The following TMEM132C variants were observed in gnomAD, a reference collection of about 807,000 sequenced individuals.
The protein encoded by TMEM132C is protein phosphatase 1, regulatory subunit 152.
A neutral mutation model predicts 61.4 loss-of-function variants in TMEM132C; 29 were observed. The observed-to-expected ratio is 0.47, with a 90% CI of 0.35 to 0.64. The LOEUF (loss-of-function observed/expected upper bound fraction) is 0.64. Among genes scored for constraint, TMEM132C ranks in the 30% least tolerant of loss-of-function variants. The probability of loss-of-function intolerance (pLI) is 0.00; values close to 1 mark genes in which losing one functional copy is unlikely to be tolerated. For missense variants in TMEM132C, 1,408 were observed against 1,476.9 expected, an observed-to-expected ratio of 0.95 and a Z score of 0.76; for synonymous variants, 656 against 633.1, an observed-to-expected ratio of 1.04 and a Z score of -0.54.
At chr12:128,506,495 A>G (rs1035809519) in intron 2 of TMEM132C, among the ~76,000 whole-genome samples, 4 of 152,110 alleles carry the variant, frequency 2.6e-5, no homozygotes, top group African/African-American at 9.7e-5. Context: ...AGACTTGGAC[A>G]TAGGAGGGGG....
intron 4 of TMEM132C, among the ~76,000 whole-genome samples, chr12:128,627,637 C>G (rs1052790386): frequency 6.6e-6 from 1 of 152,166 alleles, no homozygotes; most frequent in Non-Finnish European, 1.5e-5. Context: ...CAGGCATTAT[C>G]TTGTGAACAT....
intron 2 of TMEM132C, among the ~76,000 whole-genome samples, chr12:128,537,760 C>G (rs540101535): frequency 5.3e-5 from 8 of 152,264 alleles, no homozygotes; most frequent in Middle Eastern, 6.8e-3. Flanking sequence ...TTTCATAGAA[C>G]TATACACCAA....
At chr12:128,684,695 A>G (rs1954661144) in intron 5 of TMEM132C, among the ~76,000 whole-genome samples, 1 of 152,260 alleles carries the variant, frequency 6.6e-6, no homozygotes, top group Non-Finnish European at 1.5e-5. Flanking sequence ...CTCTTTGGCC[A>G]TCGTTTCACC....
In TMEM132C at chr12:128,267,373, G is replaced by A; in HGVS notation, c.-30G>A. Reference sequence around the variant, plus strand: ...GGCGGGCGCTGCGCTTCGGGCTGGCGGCGGGCTGCGTGAGCGGCCGGGACG... The same window carrying A: ...GGCGGGCGCTGCGCTTCGGGCTGGCAGCGGGCTGCGTGAGCGGCCGGGACG... On this transcript the variant is annotated 5_prime_UTR_variant, in exon 1 of 9. Coordinates refer to ENST00000435159, the MANE Select transcript of TMEM132C (RefSeq NM_001136103.3). The A allele has an allele frequency of 9.3e-7, 1 of 1,070,716 alleles. No homozygotes were observed. The highest frequency in any genetic ancestry group is 1.1e-6 in the Non-Finnish European group (1 of 886,036). The allele number at this position is 1,070,716 out of a possible 1,614,324, so 66.3% of individuals were successfully genotyped here.
At chr12:128,279,803 C>T (rs959470768) in intron 1 of TMEM132C, among the ~76,000 whole-genome samples, 1 of 152,214 alleles carries the variant, frequency 6.6e-6, no homozygotes, top group East Asian at 1.9e-4. Flanking sequence ...TTTCTCTTTG[C>T]ACTTATCACC....
chr12:128,542,126 T>TG (rs1565968462), intron 2 of TMEM132C, among the ~76,000 whole-genome samples: 1 of 152,102 alleles, frequency 6.6e-6, no homozygotes, highest in African/African-American at 2.4e-5. Flanking sequence ...CTCCTGAGTC[T>TG]GGGGGGCTCT....
At chr12:128,497,597 A>G (rs1256517044) in intron 2 of TMEM132C, among the ~76,000 whole-genome samples, 2 of 152,184 alleles carry the variant, frequency 1.3e-5, no homozygotes, top group East Asian at 3.9e-4. Context: ...GCTAGCAACG[A>G]GCGAGGCTCC....
chr12:128,577,187 T>C (rs1875143108), intron 3 of TMEM132C, among the ~76,000 whole-genome samples: 1 of 152,230 alleles, frequency 6.6e-6, no homozygotes. Flanking sequence ...ATATGTGGTC[T>C]TTTGTGATGG....
intron 2 of TMEM132C, among the ~76,000 whole-genome samples, chr12:128,424,834 G>A (rs1869123806): frequency 6.6e-6 from 1 of 152,152 alleles, no homozygotes; most frequent in Non-Finnish European, 1.5e-5. Context: ...TCTACAGATG[G>A]TTTTTCCATT....
chr12:128,427,476 A>G (rs1272178127), intron 2 of TMEM132C, among the ~76,000 whole-genome samples: 8 of 150,136 alleles, frequency 5.3e-5, no homozygotes. Context: ...GACATCCAGG[A>G]ACACAAGAGG....
Position 128,630,584 on chromosome 12 carries a change from TGTGCA to T in TMEM132C, c.1305+14252_1305+14256del. ...CATCTCTGCCAGACACGATGCTATCTGTGCAGTCAGCCTCTCCATCGTCCATGTTC... is the reference window on the plus strand; with the variant it reads ...CATCTCTGCCAGACACGATGCTATCTGTCAGCCTCTCCATCGTCCATGTTC... On this transcript the variant is annotated intron_variant, in intron 4 of 8. Transcript: ENST00000435159. The surrounding 1 kb of genome is among the most constrained non-coding windows in gnomAD (Gnocchi z 4.3). Among the ~76,000 whole-genome samples, 1 of 152,198 alleles carries T rather than the reference TGTGCA, an allele frequency of 6.6e-6. No individual in the cohort carries two copies. The highest frequency in any genetic ancestry group is 1.5e-5 in the Non-Finnish European group (1 of 68,046).
At chr12:128,645,340 A>C (rs1179093065) in intron 4 of TMEM132C, among the ~76,000 whole-genome samples, 1 of 152,172 alleles carries the variant, frequency 6.6e-6, no homozygotes, top group African/African-American at 2.4e-5. Context: ...ATGCAAGGAC[A>C]GAACAGAAGC....
At chr12:128,557,617 T>C (rs142714068) in intron 3 of TMEM132C, among the ~76,000 whole-genome samples, 13 of 152,298 alleles carry the variant, frequency 8.5e-5, no homozygotes, top group African/African-American at 2.4e-4. Context: ...GGACTAGATT[T>C]CTAATATCCC....
intron 1 of TMEM132C, among the ~76,000 whole-genome samples, chr12:128,371,231 T>C (rs1404151579): frequency 6.6e-6 from 1 of 152,196 alleles, no homozygotes; most frequent in Non-Finnish European, 1.5e-5. Flanking sequence ...AAAATCTATT[T>C]TCCCTTTTTC....
At chr12:128,291,438 G>A (rs1464017931) in intron 1 of TMEM132C, among the ~76,000 whole-genome samples, 1 of 152,222 alleles carries the variant, frequency 6.6e-6, no homozygotes, top group Non-Finnish European at 1.5e-5. Flanking sequence ...GAGGGGCTGA[G>A]CTGCCTGCAG....
rs116264326 is a variant in TMEM132C at position 128,428,185 on chromosome 12, G to T, written c.974+12565G>T. Among the ~76,000 whole-genome samples, 1,243 of 152,302 alleles carry T rather than the reference G, an allele frequency of 8.2e-3. 17 individuals are homozygous for T. Among genetic ancestry groups the T allele is most frequent in the African/African-American group, 0.028 (1,176 of 41,566 alleles). On this transcript the variant is annotated intron_variant, in intron 2 of 8. Transcript: ENST00000435159. Reference sequence around the variant, plus strand: ...GGCCTGAGAGAAGAGGAATGCATTTGTCAAGCTTATTTTGGTTGCTACTCT... The same window carrying T: ...GGCCTGAGAGAAGAGGAATGCATTTTTCAAGCTTATTTTGGTTGCTACTCT...
At chr12:128,487,946 A>G (rs1219608831) in intron 2 of TMEM132C, among the ~76,000 whole-genome samples, 1 of 152,138 alleles carries the variant, frequency 6.6e-6, no homozygotes, top group Non-Finnish European at 1.5e-5. Context: ...CAAACTTCAA[A>G]ACACAGTTCT....
At chr12:128,335,703 G>A (rs766862427) in intron 1 of TMEM132C, among the ~76,000 whole-genome samples, 4 of 152,190 alleles carry the variant, frequency 2.6e-5, no homozygotes, top group Non-Finnish European at 5.9e-5. Flanking sequence ...GCCAGTATTA[G>A]TTTGTGAGTC....
intron 3 of TMEM132C, among the ~76,000 whole-genome samples, chr12:128,597,163 A>G (rs1245145767): frequency 1.3e-5 from 2 of 152,206 alleles, no homozygotes; most frequent in Non-Finnish European, 2.9e-5. Context: ...GGTTAATGCA[A>G]ATAGCCATGC....
Sources: gnomAD v4.1 joint callset for allele counts (sites outside exome capture counted in the v4.1 genomes callset) on GRCh38, gnomAD v4.1.1 for gene constraint, Gnocchi (gnomAD v3.1) non-coding constraint, MANE v1.5 for transcripts, NCBI Gene and HGNC (gene_info 2026-07-23, HGNC 2026-07-21) for gene names.